PDE1C: variants seen among roughly 807,000 people sequenced by gnomAD.
PDE1C encodes the protein dual specificity calcium/calmodulin-dependent 3',5'-cyclic nucleotide phosphodiesterase 1C.
In PDE1C, 62 loss-of-function variants were observed where a neutral mutation model predicts 93.1. That is an observed-to-expected ratio of 0.67 (90% CI 0.54 to 0.82). PDE1C has a LOEUF of 0.82. Ranked by LOEUF, PDE1C falls within the 40% of genes least tolerant of loss-of-function variation. The pLI, the probability that PDE1C is intolerant of heterozygous loss-of-function variation, is 0.00. For synonymous variants in PDE1C, 325 were observed against 310.1 expected (o/e 1.05, Z -0.50); for missense variants, 742 against 884.6 (o/e 0.84, Z 2.04).
At chr7:32,307,589 G>A (rs1014354533) in intron 1 of PDE1C, among the ~76,000 whole-genome samples, 1 of 147,456 alleles carries the variant, frequency 6.8e-6, no homozygotes, top group Non-Finnish European at 1.5e-5. Context: ...CAACTTACTA[G>A]ATGGAGACAT....
chr7:32,406,758 T>A (rs925503955), intron 1 of PDE1C, among the ~76,000 whole-genome samples: 2 of 152,104 alleles, frequency 1.3e-5, no homozygotes, highest in Admixed American at 1.3e-4. Context: ...GGATGTGACC[T>A]GGATGGAAAA....
At chr7:31,935,135 G>T (rs1231128698) in intron 2 of PDE1C, among the ~76,000 whole-genome samples, 2 of 152,182 alleles carry the variant, frequency 1.3e-5, no homozygotes, top group Non-Finnish European at 2.9e-5. Flanking sequence ...GATAGTGCTA[G>T]CGTTGATACA....
chr7:31,887,110 A>C (rs1445889140), intron 2 of PDE1C, among the ~76,000 whole-genome samples: 1 of 152,144 alleles, frequency 6.6e-6, no homozygotes, highest in Non-Finnish European at 1.5e-5. Flanking sequence ...TTCCATTGTA[A>C]TCAGGCTGGT....
intron 3 of PDE1C, among the ~76,000 whole-genome samples, chr7:32,086,448 C>G (rs1218830181): frequency 6.6e-6 from 1 of 152,128 alleles, no homozygotes; most frequent in Non-Finnish European, 1.5e-5. Context: ...TTTATAGATT[C>G]AATGCCATCC....
chr7:32,061,017 A>T (rs17160848), intron 1 of PDE1C, among the ~76,000 whole-genome samples: 23,114 of 152,208 alleles, frequency 0.15, 2,246 homozygotes, highest in East Asian at 0.29. Context: ...ACTACTCCTA[A>T]AACATCTGGA....
At chr7:31,716,886 C>G in the PDE1C span, among the ~76,000 whole-genome samples, 1 of 152,152 alleles carries the variant, frequency 6.6e-6, no homozygotes, top group East Asian at 1.9e-4. Context: ...ACCCTCGCTG[C>G]AGAGCCAGAG....
chr7:32,247,959 C>A (rs1809088545), intron 1 of PDE1C, among the ~76,000 whole-genome samples: 1 of 151,952 alleles, frequency 6.6e-6, no homozygotes, highest in South Asian at 2.1e-4. Context: ...GGAGGCATAG[C>A]AATAATGATG....
rs10573498 is a variant in PDE1C at position 31,760,759 on chromosome 7, TACACAC to T, written c.1961-7212_1961-7207del. 7.6e-3 allele frequency among the ~76,000 whole-genome samples: 1,135 copies of T among 148,456 alleles called. 4 individuals are homozygous for T. The highest frequency in any genetic ancestry group is 0.024 in the Middle Eastern group (7 of 288). ...ATAGACACTTTCTATCTGCAATGTG[TACACAC>T]ACACACACACACACACACACACACA... is the stretch of plus-strand genomic sequence containing the variant. On this transcript the variant is annotated intron_variant, in intron 17 of 17. Transcript: ENST00000396191.
At chr7:31,621,867 ACATG>A in the PDE1C span, among the ~76,000 whole-genome samples, 417 of 152,058 alleles carry the variant, frequency 2.7e-3, 6 homozygotes, top group East Asian at 6.2e-3. Flanking sequence ...AACCCATCTC[ACATG>A]CAGAGACACA....
Position 31,961,254 on chromosome 7 carries a change from A to ATATG in PDE1C, c.129-80395_129-80394insCATA, listed in dbSNP as rs537198933. Among the ~76,000 whole-genome samples the ATATG allele has an allele frequency of 4.1e-3, 620 of 151,040 alleles. 3 individuals carry two copies. Among genetic ancestry groups the ATATG allele is most frequent in the African/African-American group, 0.014 (574 of 41,182 alleles). On this transcript the variant is annotated intron_variant, in intron 2 of 17. Coordinates refer to ENST00000396191, the MANE Select transcript of PDE1C (RefSeq NM_001191057.4). The stretch of plus-strand genomic sequence containing the variant: ...CATGTATATGTATATGTATATATAT[A>ATATG]TATATATACACACACACAGGCTATT...
At chr7:31,745,918 G>T in the PDE1C span, among the ~76,000 whole-genome samples, 2 of 152,264 alleles carry the variant, frequency 1.3e-5, no homozygotes, top group Admixed American at 6.5e-5. Flanking sequence ...TGCTGAGTAT[G>T]GTGGGCGAGT....
intron 2 of PDE1C, among the ~76,000 whole-genome samples, chr7:32,011,240 T>C (rs139325912): frequency 0.012 from 1,772 of 152,140 alleles, 40 homozygotes; most frequent in African/African-American, 0.041. Context: ...TTGCCCAGGC[T>C]GGAGTGCAGT....
intron 2 of PDE1C, among the ~76,000 whole-genome samples, chr7:32,192,325 A>C (rs1804290582): frequency 6.6e-6 from 1 of 152,086 alleles, no homozygotes; most frequent in African/African-American, 2.4e-5. Context: ...TAAGCTTCAC[A>C]GTTTTATATT....
At chr7:32,313,488 G>C (rs1171160183) in intron 1 of PDE1C, among the ~76,000 whole-genome samples, 1 of 151,856 alleles carries the variant, frequency 6.6e-6, no homozygotes. Flanking sequence ...CAATAGCAAA[G>C]ACTTGGAACC....
chr7:32,298,065 C>CTCTCTCTCTCTCTCTCT lies in PDE1C; in HGVS notation c.85+585_85+586insAGAGAGAGAGAGAGAGA, dbSNP rs1562660556. Reference sequence around the variant, plus strand: ...CTCTCTCTCTCTCTCTCTCTCTCTCCCCTCTCTCTCTGAATTCCCCGGTCT... The same window carrying CTCTCTCTCTCTCTCTCT: ...CTCTCTCTCTCTCTCTCTCTCTCTCCTCTCTCTCTCTCTCTCTCCTCTCTCTCTGAATTCCCCGGTCT... On this transcript the variant is annotated intron_variant, in intron 1 of 18. Coordinates refer to the PDE1C transcript ENST00000396193. 1.2e-3 allele frequency among the ~76,000 whole-genome samples: 26 copies of CTCTCTCTCTCTCTCTCT among 21,174 alleles called. 11 individuals carry two copies. Among genetic ancestry groups the CTCTCTCTCTCTCTCTCT allele is most frequent in the South Asian group, 4.2e-3 (2 of 478 alleles). The allele number at this position is 21,174 out of a possible 152,430, so 13.9% of individuals were successfully genotyped here.
chr7:32,002,533 T>C (rs965064625), intron 2 of PDE1C, among the ~76,000 whole-genome samples: 1 of 152,240 alleles, frequency 6.6e-6, no homozygotes, highest in South Asian at 2.1e-4. Context: ...AATGAGAGTA[T>C]AGGTGAAAAA....
At chr7:31,961,269 C>A (rs1808912262) in intron 2 of PDE1C, among the ~76,000 whole-genome samples, 1 of 151,352 alleles carries the variant, frequency 6.6e-6, no homozygotes, top group Non-Finnish European at 1.5e-5. Context: ...TATACACACA[C>A]ACAGGCTATT....
intron 1 of PDE1C, among the ~76,000 whole-genome samples, chr7:32,419,545 T>A (rs1366735036): frequency 6.6e-6 from 1 of 152,174 alleles, no homozygotes; most frequent in East Asian, 1.9e-4. Flanking sequence ...AATTAGTTAC[T>A]GTTCTGGCAG....
At chr7:32,295,849 G>C (rs371314849) in intron 1 of PDE1C, among the ~76,000 whole-genome samples, 2 of 143,434 alleles carry the variant, frequency 1.4e-5, no homozygotes, top group South Asian at 4.4e-4. Context: ...AGCTGAGATC[G>C]GGTCACTGCA....
Sources: gnomAD v4.1 joint callset for allele counts (sites outside exome capture counted in the v4.1 genomes callset) on GRCh38, gnomAD v4.1.1 for gene constraint, MANE v1.5 for transcripts, NCBI Gene and HGNC (gene_info 2026-07-23, HGNC 2026-07-21) for gene names.